Variants in ASTN2 observed in about 807,000 individuals in gnomAD.
ASTN2 encodes astrotactin-2.
Under a neutral mutation model 139.8 loss-of-function variants are expected in ASTN2, and 54 were observed. The observed-to-expected ratio is 0.39, with a 90% CI of 0.31 to 0.48. The LOEUF (loss-of-function observed/expected upper bound fraction) is 0.48. Among genes scored for constraint, ASTN2 ranks in the 20% least tolerant of loss-of-function variants. The pLI is 0.95. For synonymous variants in ASTN2, 756 were observed against 719.5 expected (o/e 1.05, Z -0.81); for missense variants, 1,565 against 1,725.1 (o/e 0.91, Z 1.64).
chr9:117,339,004 C>T (rs567683551), intron 1 of ASTN2, among the ~76,000 whole-genome samples: 1 of 152,192 alleles, frequency 6.6e-6, no homozygotes, highest in East Asian at 1.9e-4. Flanking sequence ...TGTAGACTGA[C>T]TGCGGGTGAT....
At chr9:116,709,064 T>C (rs1828071570) in intron 16 of ASTN2, among the ~76,000 whole-genome samples, 2 of 152,212 alleles carry the variant, frequency 1.3e-5, no homozygotes, top group South Asian at 2.1e-4. Flanking sequence ...TGGACTCTCC[T>C]GGAAACAGGC....
intron 16 of ASTN2, among the ~76,000 whole-genome samples, chr9:116,703,044 G>T (rs530869306): frequency 4.6e-5 from 7 of 151,956 alleles, no homozygotes; most frequent in African/African-American, 1.7e-4. Flanking sequence ...GATCCCTGAG[G>T]AATCGCCACA....
At chr9:117,234,632 G>A (rs1832990253) in intron 2 of ASTN2, among the ~76,000 whole-genome samples, 1 of 152,196 alleles carries the variant, frequency 6.6e-6, no homozygotes. Context: ...AGCCATAAAA[G>A]AGGCGCTGCT....
intron 5 of ASTN2, among the ~76,000 whole-genome samples, chr9:117,042,636 T>C (rs1038658718): frequency 6.6e-6 from 1 of 151,802 alleles, no homozygotes; most frequent in Non-Finnish European, 1.5e-5. Flanking sequence ...ATTTATAATA[T>C]TTATAAATAT....
chr9:117,414,725 T>C lies in ASTN2; in HGVS notation c.214A>G (p.Thr72Ala). 7 of 1,275,386 alleles carry C rather than the reference T, an allele frequency of 5.5e-6. No homozygotes were observed. Among genetic ancestry groups the C allele is most frequent in the Non-Finnish European group, 6.9e-6 (7 of 1,010,330 alleles). The allele number at this position is 1,275,386 out of a possible 1,614,324, so 79.0% of individuals were successfully genotyped here. ...PCRLKTVTVSTLPALRESDIG... is the reference protein window; with the variant it reads ...PCRLKTVTVSALPALRESDIG... ...TCGCTCTCCCGCAGGGCGGGCAGTG[T>C]GGACACCGTGACGGTCTTCAGCCGG... The change falls in exon 1 of 23, where the codon ACA becomes GCA. Residue 72 changes from threonine to alanine, a missense_variant. Thr to Ala is a moderately conservative substitution (Grantham distance 58, BLOSUM62 0). Coordinates refer to ENST00000313400, the MANE Select transcript of ASTN2 (RefSeq NM_001365068.1). This position sits in a 1 kb window ranked among gnomAD's most constrained non-coding sequence, Gnocchi z 4.2.
chr9:116,667,793 C>T (rs985728639), intron 16 of ASTN2, among the ~76,000 whole-genome samples: 3 of 152,072 alleles, frequency 2.0e-5, no homozygotes, highest in African/African-American at 7.2e-5. Context: ...GAAATGAAGG[C>T]ACAGAAAATT....
intron 19 of ASTN2, among the ~76,000 whole-genome samples, chr9:116,526,071 G>A (rs189603209): frequency 3.2e-4 from 48 of 152,204 alleles, no homozygotes; most frequent in Admixed American, 6.5e-4. Flanking sequence ...TCTCTAGGAA[G>A]ACCTCTGTTA....
intron 10 of ASTN2, among the ~76,000 whole-genome samples, chr9:116,881,131 G>A (rs1833441080): frequency 6.6e-6 from 1 of 152,186 alleles, no homozygotes; most frequent in Admixed American, 6.5e-5. Context: ...GAATGTGGAA[G>A]AGGAGGAGGA....
At chr9:116,733,323 A>G in intron 14 of ASTN2, 76 bp downstream of exon 14, 3 of 1,569,264 alleles carry the variant, frequency 1.9e-6, no homozygotes, top group Non-Finnish European at 2.6e-6. Context: ...GATCTGCTGA[A>G]GACTGATATG....
chr9:116,767,262 A>G (rs1289196720), intron 13 of ASTN2, among the ~76,000 whole-genome samples: 4 of 151,690 alleles, frequency 2.6e-5, no homozygotes, highest in Non-Finnish European at 5.9e-5. Flanking sequence ...ACCTACTCAC[A>G]CCCTAGGTAC....
rs1588336110 is a variant in ASTN2 at position 116,836,590 on chromosome 9, T to C, written c.2041-15807A>G. 1.3e-5 allele frequency among the ~76,000 whole-genome samples: 2 copies of C among 152,142 alleles called. 1 individual carries two copies. Among genetic ancestry groups the C allele is most frequent in the South Asian group, 4.1e-4 (2 of 4,824 alleles). On this transcript the variant is annotated intron_variant, in intron 11 of 22. Coordinates refer to ENST00000313400, the MANE Select transcript of ASTN2 (RefSeq NM_001365068.1). ...AGAGCAGTTTTGTTTTGTTTTGTTT[T>C]GTTTTGTTTTGTTTTGTTTTCCTTC...
chr9:116,498,597 C>CAAA (rs371021345), intron 19 of ASTN2, among the ~76,000 whole-genome samples: 1 of 134,214 alleles, frequency 7.5e-6, no homozygotes, highest in African/African-American at 2.7e-5. Context: ...GACCCTACCT[C>CAAA]AAAAAAAAAA....
chr9:116,873,319 G>T (rs1038866214), intron 10 of ASTN2, among the ~76,000 whole-genome samples: 22 of 152,224 alleles, frequency 1.4e-4, no homozygotes, highest in Non-Finnish European at 2.5e-4. Context: ...CCAGGGGAGG[G>T]ATAGGGTGAG....
At chr9:117,008,332 A>G in intron 6 of ASTN2, 73 bp from the exon 7 acceptor site, 1 of 1,392,130 alleles carries the variant, frequency 7.2e-7, no homozygotes, top group South Asian at 1.6e-5. Flanking sequence ...GAACACAGAA[A>G]GGTGTGTACA....
At chr9:117,267,916 C>T (rs954669167) in intron 2 of ASTN2, among the ~76,000 whole-genome samples, 2 of 152,188 alleles carry the variant, frequency 1.3e-5, no homozygotes, top group Admixed American at 1.3e-4. Flanking sequence ...TCCTCCGAAC[C>T]TCCAGCCAGA....
intron 3 of ASTN2, among the ~76,000 whole-genome samples, chr9:117,164,887 G>T (rs946601595): frequency 6.6e-6 from 1 of 152,114 alleles, no homozygotes; most frequent in Non-Finnish European, 1.5e-5. Context: ...TGTACTAAGT[G>T]CATGGATGGA....
At chr9:116,993,738 T>G (rs1403923952) in intron 7 of ASTN2, among the ~76,000 whole-genome samples, 1 of 147,764 alleles carries the variant, frequency 6.8e-6, no homozygotes, top group Non-Finnish European at 1.5e-5. Flanking sequence ...TATATATTTC[T>G]ACATATTCAT....
intron 13 of ASTN2, among the ~76,000 whole-genome samples, chr9:116,766,634 C>T (rs1035027164): frequency 3.3e-5 from 5 of 152,004 alleles, no homozygotes; most frequent in African/African-American, 9.7e-5. Flanking sequence ...GTCAGATACC[C>T]GTAAATGCAC....
chr9:117,190,132 T>G (rs1831308135), intron 3 of ASTN2, among the ~76,000 whole-genome samples: 1 of 152,126 alleles, frequency 6.6e-6, no homozygotes, highest in East Asian at 1.9e-4. Flanking sequence ...AGAGCAGCCC[T>G]TCCAAAGCAG....
Sources: allele counts gnomAD v4.1 joint callset (sites outside exome capture counted in the v4.1 genomes callset), GRCh38; gene constraint gnomAD v4.1.1; non-coding constraint Gnocchi (gnomAD v3.1); transcripts MANE v1.5; gene names NCBI Gene and HGNC (gene_info 2026-07-23, HGNC 2026-07-21).